DAPK2: variants seen among roughly 807,000 people sequenced by gnomAD.
DAPK2 encodes the protein death associated protein kinase 2.
Under a neutral mutation model 44.1 loss-of-function variants are expected in DAPK2, and 35 were observed. The observed-to-expected ratio is 0.79, with a 90% CI of 0.61 to 1.05. The LOEUF (loss-of-function observed/expected upper bound fraction) is 1.05. Ranked by LOEUF, DAPK2 falls within the 50% of genes least tolerant of loss-of-function variation. The pLI, the probability that DAPK2 is intolerant of heterozygous loss-of-function variation, is 0.00. For missense variants in DAPK2, 453 were observed against 483.2 expected (o/e 0.94, Z 0.59); for synonymous variants, 174 against 182.6 (o/e 0.95, Z 0.38).
At chr15:64,021,297 G>A (rs542546192) in intron 1 of DAPK2, among the ~76,000 whole-genome samples, 36 of 152,298 alleles carry the variant, frequency 2.4e-4, no homozygotes, top group African/African-American at 7.2e-4. Context: ...GAAAGGGAGC[G>A]CGAGTGAGCA....
chr15:63,999,915 A>C (rs1376169511), intron 1 of DAPK2, among the ~76,000 whole-genome samples: 1 of 151,800 alleles, frequency 6.6e-6, no homozygotes. Flanking sequence ...ACAGTCATGC[A>C]ACCACTATGC....
chr15:64,037,044 T>G (rs2080230890), intron 1 of DAPK2, among the ~76,000 whole-genome samples: 2 of 152,160 alleles, frequency 1.3e-5, no homozygotes, highest in Non-Finnish European at 1.5e-5. Context: ...ATTTCTGTCT[T>G]ACAGGTAAAA....
At chr15:63,935,888 T>C (rs1054345537) in intron 4 of DAPK2, 7 of 152,238 alleles carry the variant, frequency 4.6e-5, no homozygotes, top group African/African-American at 7.2e-5. Flanking sequence ...TCCTTAGCTG[T>C]ATACAATCTG....
intron 1 of DAPK2, among the ~76,000 whole-genome samples, chr15:64,011,104 A>G (rs958580934): frequency 6.6e-6 from 1 of 152,218 alleles, no homozygotes; most frequent in Non-Finnish European, 1.5e-5. Flanking sequence ...TGGAACAGAT[A>G]AAGCCATATG....
chr15:64,028,684 G>T (rs11637846), intron 1 of DAPK2, among the ~76,000 whole-genome samples: 1 of 152,020 alleles, frequency 6.6e-6, no homozygotes. Flanking sequence ...AAGTATTAAG[G>T]GGTGAAGAGG....
chr15:63,944,341 T>G (rs1053118527), intron 3 of DAPK2, among the ~76,000 whole-genome samples: 5 of 152,152 alleles, frequency 3.3e-5, no homozygotes, highest in African/African-American at 1.2e-4. Flanking sequence ...CATGGCTCCC[T>G]GCTATCCAGC....
intron 1 of DAPK2, chr15:63,991,309 C>A (rs756102303): frequency 1.5e-5 from 7 of 456,300 alleles, no homozygotes; most frequent in South Asian, 1.1e-4. Context: ...GCAAAGTCAG[C>A]AGCAGGTGGA....
intron 1 of DAPK2, among the ~76,000 whole-genome samples, chr15:64,039,232 C>T (rs1220770199): frequency 1.3e-5 from 2 of 152,236 alleles, no homozygotes; most frequent in Non-Finnish European, 2.9e-5. Context: ...TCTACACACT[C>T]TAAATTCCCA....
intron 1 of DAPK2, among the ~76,000 whole-genome samples, chr15:64,000,680 T>C (rs929551116): frequency 1.3e-5 from 2 of 151,828 alleles, no homozygotes; most frequent in Admixed American, 1.3e-4. Flanking sequence ...GGGAGAACCA[T>C]GGTAATTAGG....
At chr15:63,995,826 G>A (rs2078937614) in intron 1 of DAPK2, among the ~76,000 whole-genome samples, 1 of 152,202 alleles carries the variant, frequency 6.6e-6, no homozygotes, top group South Asian at 2.1e-4. Context: ...CCACAGCTGT[G>A]AGGCAACCAG....
At chr15:64,016,941 A>G (rs1317438813) in intron 1 of DAPK2, among the ~76,000 whole-genome samples, 1 of 152,182 alleles carries the variant, frequency 6.6e-6, no homozygotes, top group Non-Finnish European at 1.5e-5. Flanking sequence ...TGCATACAAC[A>G]GGAGCACAAT....
intron 1 of DAPK2, among the ~76,000 whole-genome samples, chr15:63,991,715 A>G (rs897814031): frequency 6.6e-6 from 1 of 152,220 alleles, no homozygotes; most frequent in South Asian, 2.1e-4. Flanking sequence ...ATGATCCCAA[A>G]GAAGTTTCAA....
exon 7 of DAPK2, chr15:63,926,065 C>G: frequency 6.2e-7 from 1 of 1,612,416 alleles, no homozygotes; most frequent in Non-Finnish European, 8.5e-7. Flanking sequence ...TGCTTCGTGT[C>G]TCCCAGGAAA....
intron 1 of DAPK2, among the ~76,000 whole-genome samples, chr15:64,037,161 G>A (rs1234341873): frequency 3.9e-5 from 6 of 152,144 alleles, no homozygotes; most frequent in Admixed American, 1.3e-4. Context: ...ACCACTCTGT[G>A]TTGGCAGGGA....
At chr15:64,041,574 G>A (rs1481537514), upstream of DAPK2, among the ~76,000 whole-genome samples, 1 of 152,156 alleles carries the variant, frequency 6.6e-6, no homozygotes, top group Non-Finnish European at 1.5e-5. Flanking sequence ...TCTTCCAAGG[G>A]TCTTTAGCAA....
intron 3 of DAPK2, among the ~76,000 whole-genome samples, chr15:63,952,817 T>G (rs1290529999): frequency 6.6e-6 from 1 of 152,110 alleles, no homozygotes; most frequent in Non-Finnish European, 1.5e-5. Flanking sequence ...GCAATTATGC[T>G]CTTTTAGTAA....
chr15:63,945,498 G>T (rs901501436), intron 3 of DAPK2, among the ~76,000 whole-genome samples: 1 of 152,200 alleles, frequency 6.6e-6, no homozygotes, highest in Non-Finnish European at 1.5e-5. Context: ...TGATGCGGAT[G>T]GAGCAGGAAG....
chr15:63,964,556 T>C (rs546004468), intron 3 of DAPK2, among the ~76,000 whole-genome samples: 128 of 152,282 alleles, frequency 8.4e-4, no homozygotes, highest in African/African-American at 3.0e-3. Flanking sequence ...TCTATCTCTC[T>C]ACCTCCTCAT....
chr15:64,038,570 C>G (rs409438), intron 1 of DAPK2, among the ~76,000 whole-genome samples: 125,073 of 152,024 alleles, frequency 0.82, 51,755 homozygotes, highest in East Asian at 0.92. Flanking sequence ...TTTGCTCCCC[C>G]ACCCACCATC....
Sources: gnomAD v4.1 joint callset for allele counts (sites outside exome capture counted in the v4.1 genomes callset) on GRCh38, gnomAD v4.1.1 for gene constraint, MANE v1.5 for transcripts, NCBI Gene and HGNC (gene_info 2026-07-23, HGNC 2026-07-21) for gene names.